The following SLC1A2 variants were observed in gnomAD, a reference collection of about 807,000 sequenced individuals.
The protein encoded by SLC1A2 is solute carrier family 1 member 2.
In SLC1A2, 15 loss-of-function variants were observed where a neutral mutation model predicts 48.8. The ratio of observed to expected loss-of-function variants is 0.31; its 90% CI spans 0.21 to 0.47. The LOEUF (loss-of-function observed/expected upper bound fraction) is 0.47, where lower values mean the gene tolerates loss of function less well. Ranked by LOEUF, SLC1A2 falls within the 20% of genes least tolerant of loss-of-function variation. The pLI, the probability that SLC1A2 is intolerant of heterozygous loss-of-function variation, is 0.99. For synonymous variants in SLC1A2, 279 were observed against 272.6 expected, an observed-to-expected ratio of 1.02 and a Z score of -0.23; for missense variants, 502 against 730.5, an observed-to-expected ratio of 0.69 and a Z score of 3.61.
chr11:35,267,578 A>G (rs1850131267), intron 9 of SLC1A2, among the ~76,000 whole-genome samples: 1 of 152,156 alleles, frequency 6.6e-6, no homozygotes, highest in South Asian at 2.1e-4. Context: ...TGAAAACATT[A>G]ACCCTATTTA....
intron 6 of SLC1A2, 129 bp from the exon 7 acceptor site, chr11:35,292,649 A>C: frequency 1.7e-6 from 1 of 597,290 alleles, no homozygotes; most frequent in South Asian, 2.3e-5. Flanking sequence ...TTGCTGAGAA[A>C]AGTTCATGTT....
intron 8 of SLC1A2, among the ~76,000 whole-genome samples, chr11:35,283,404 G>A (rs1850704319): frequency 6.6e-6 from 1 of 152,174 alleles, no homozygotes. Flanking sequence ...GTGCCCCAGA[G>A]GTAGCCCTTG....
chr11:35,400,719 T>A (rs575828542), intron 1 of SLC1A2, among the ~76,000 whole-genome samples: 1 of 152,336 alleles, frequency 6.6e-6, no homozygotes, highest in East Asian at 1.9e-4. Context: ...AACTACTTGA[T>A]TCTCCTGAAA....
At chr11:35,377,732 G>A (rs1049345552) in intron 1 of SLC1A2, among the ~76,000 whole-genome samples, 1 of 152,106 alleles carries the variant, frequency 6.6e-6, no homozygotes, top group Non-Finnish European at 1.5e-5. Context: ...GCCTGAATAG[G>A]CATATTCATG....
chr11:35,365,218 G>T (rs1186425565), intron 1 of SLC1A2, among the ~76,000 whole-genome samples: 1 of 152,156 alleles, frequency 6.6e-6, no homozygotes, highest in African/African-American at 2.4e-5. Context: ...ATACAGCAAA[G>T]GTGCTTCTGG....
chr11:35,363,891 A>C (rs981028407), intron 1 of SLC1A2, among the ~76,000 whole-genome samples: 1 of 152,122 alleles, frequency 6.6e-6, no homozygotes, highest in African/African-American at 2.4e-5. Context: ...CAGGACACGG[A>C]GGTGTACAAG....
intron 1 of SLC1A2, among the ~76,000 whole-genome samples, chr11:35,348,965 G>A (rs1282659384): frequency 2.0e-5 from 3 of 151,334 alleles, no homozygotes; most frequent in African/African-American, 7.3e-5. Flanking sequence ...GGAGAAGGAT[G>A]TGTGCTGAGT....
At chr11:35,399,996 G>T (rs747666940) in intron 1 of SLC1A2, among the ~76,000 whole-genome samples, 13 of 152,184 alleles carry the variant, frequency 8.5e-5, no homozygotes, top group Non-Finnish European at 1.8e-4. Context: ...GGAATTCAAA[G>T]TCAACCCCAG....
At chr11:35,407,497 C>T (rs1456417671) in intron 1 of SLC1A2, among the ~76,000 whole-genome samples, 1 of 152,236 alleles carries the variant, frequency 6.6e-6, no homozygotes, top group African/African-American at 2.4e-5. Context: ...TAATCCTGCT[C>T]TTGCCTTATC....
chr11:35,320,568 G>GTACATTCTT (rs1198781890), intron 1 of SLC1A2, among the ~76,000 whole-genome samples: 1 of 152,234 alleles, frequency 6.6e-6, no homozygotes, highest in African/African-American at 2.4e-5. Context: ...CAGTCTATGA[G>GTACATTCTT]CCCCAGGAGG....
At chr11:35,277,898 C>A (rs1850492594) in intron 9 of SLC1A2, among the ~76,000 whole-genome samples, 2 of 152,214 alleles carry the variant, frequency 1.3e-5, no homozygotes, top group Non-Finnish European at 2.9e-5. Flanking sequence ...TTTTGTCCCC[C>A]TTCCATCCAT....
At chr11:35,371,449 C>T (rs957798154) in intron 1 of SLC1A2, among the ~76,000 whole-genome samples, 2 of 152,160 alleles carry the variant, frequency 1.3e-5, no homozygotes, top group Admixed American at 1.3e-4. Context: ...GGGCAGTCTA[C>T]AACAGTGGAG....
At chr11:35,375,212 T>C (rs1452385798) in intron 1 of SLC1A2, among the ~76,000 whole-genome samples, 2 of 152,244 alleles carry the variant, frequency 1.3e-5, no homozygotes, top group Non-Finnish European at 1.5e-5. Flanking sequence ...CCTCATTACA[T>C]TTAATGATAC....
chr11:35,325,515 T>C (rs2134955794), intron 1 of SLC1A2, among the ~76,000 whole-genome samples: 1 of 152,328 alleles, frequency 6.6e-6, no homozygotes, highest in Non-Finnish European at 1.5e-5. Flanking sequence ...AATGAATGAA[T>C]GGATGATTAG....
intron 1 of SLC1A2, among the ~76,000 whole-genome samples, chr11:35,398,014 C>T (rs1424168224): frequency 6.6e-6 from 1 of 152,158 alleles, no homozygotes; most frequent in African/African-American, 2.4e-5. Flanking sequence ...GATTGCTGGT[C>T]CAGCAGCCAG....
intron 1 of SLC1A2, among the ~76,000 whole-genome samples, chr11:35,408,443 C>T (rs1463394458): frequency 1.3e-5 from 2 of 152,148 alleles, no homozygotes; most frequent in Non-Finnish European, 2.9e-5. Flanking sequence ...GAATAAGTCT[C>T]ACAAGATCTG....
At chr11:35,416,431 A>G (rs2135309436) in intron 1 of SLC1A2, among the ~76,000 whole-genome samples, 1 of 152,374 alleles carries the variant, frequency 6.6e-6, no homozygotes, top group South Asian at 2.1e-4. Flanking sequence ...TCACAGAGTT[A>G]CTGGAAGAAT....
At chr11:35,325,469 A>T (rs1719239356) in intron 1 of SLC1A2, among the ~76,000 whole-genome samples, 1 of 152,222 alleles carries the variant, frequency 6.6e-6, no homozygotes, top group Admixed American at 6.5e-5. Flanking sequence ...TTCCTGGCAC[A>T]TAGTAGATGC....
At chr11:35,417,932 C>A (rs1017681628) in intron 1 of SLC1A2, among the ~76,000 whole-genome samples, 4 of 152,216 alleles carry the variant, frequency 2.6e-5, no homozygotes, top group Non-Finnish European at 5.9e-5. Context: ...GCCAACACCA[C>A]CACTTGAGCC....
Sources: gnomAD v4.1 joint callset for allele counts (sites outside exome capture counted in the v4.1 genomes callset) on GRCh38, gnomAD v4.1.1 for gene constraint, MANE v1.5 for transcripts, NCBI Gene and HGNC (gene_info 2026-07-23, HGNC 2026-07-21) for gene names.